ACSM4: variants seen among roughly 807,000 people sequenced by gnomAD.
The protein encoded by ACSM4 is acyl-coenzyme A synthetase ACSM4, mitochondrial.
ACSM4 carries 66 observed loss-of-function variants against 73.0 expected under a neutral mutation model. The observed-to-expected ratio is 0.90, with a 90% CI of 0.74 to 1.11. ACSM4 has a LOEUF of 1.11. Among genes scored for constraint, ACSM4 ranks in the 50% least tolerant of loss-of-function variants. The pLI is 0.00. For synonymous variants in ACSM4, 222 were observed against 254.0 expected (o/e 0.87, Z 1.20); for missense variants, 645 against 714.4 (o/e 0.90, Z 1.11).
At chr12:7,320,987 CA>C (rs1406020773) in intron 6 of ACSM4, among the ~76,000 whole-genome samples, 183 bp downstream of exon 6, 1 of 152,196 alleles carries the variant, frequency 6.6e-6, no homozygotes, top group Admixed American at 6.5e-5. Flanking sequence ...AGCAGCATCT[CA>C]AGACTCTATT....
intron 3 of ACSM4, among the ~76,000 whole-genome samples, chr12:7,314,500 TAGAC>T (rs759170475): frequency 6.6e-6 from 1 of 152,302 alleles, no homozygotes; most frequent in South Asian, 2.1e-4. Flanking sequence ...TTCTTTTAGA[TAGAC>T]AGATAGATGG....
intron 1 of ACSM4, 31 bp from the exon 2 acceptor site, chr12:7,306,502 A>G (rs1370854915): frequency 1.3e-6 from 2 of 1,544,410 alleles, no homozygotes; most frequent in Non-Finnish European, 1.8e-6. Context: ...ATGTAAACCT[A>G]CCCCTCTCTT....
intron 5 of ACSM4, 57 bp from the exon 6 acceptor site, chr12:7,320,668 C>CT (rs1325029710): frequency 7.1e-7 from 1 of 1,413,004 alleles, no homozygotes; most frequent in Non-Finnish European, 9.9e-7. Context: ...GATATCAGCT[C>CT]TAGTCATGGC....
At chr12:7,304,677 C>T in intron 1 of ACSM4, 145 bp downstream of exon 1, 2 of 898,472 alleles carry the variant, frequency 2.2e-6, no homozygotes. Flanking sequence ...TTGCCCTCCC[C>T]TCTCCCCAGG....
At chr12:7,307,618 A>G (rs1476909833) in intron 2 of ACSM4, among the ~76,000 whole-genome samples, 1 of 152,236 alleles carries the variant, frequency 6.6e-6, no homozygotes. Context: ...AGTAATTTAT[A>G]ATTTACCCCA....
At chr12:7,326,852 G>A in intron 11 of ACSM4, 124 bp from the exon 12 acceptor site, 4 of 1,070,962 alleles carry the variant, frequency 3.7e-6, no homozygotes, top group Non-Finnish European at 5.2e-6. Flanking sequence ...GTAACCTCTG[G>A]CATTTGCAGT....
At chr12:7,304,988 G>A (rs1048637252) in intron 1 of ACSM4, among the ~76,000 whole-genome samples, 6 of 152,166 alleles carry the variant, frequency 3.9e-5, no homozygotes, top group African/African-American at 1.4e-4. Flanking sequence ...AGGTCTCTGT[G>A]TACTGATCCT....
At chr12:7,323,344 G>A (rs768407617) in intron 8 of ACSM4, 30 bp downstream of exon 8, 2 of 1,601,124 alleles carry the variant, frequency 1.2e-6, no homozygotes, top group Admixed American at 1.7e-5. Context: ...GACTGGTTCA[G>A]TAAAGGAGAG....
At chr12:7,321,585 A>G (rs765971781) in intron 6 of ACSM4, among the ~76,000 whole-genome samples, 2 of 152,236 alleles carry the variant, frequency 1.3e-5, no homozygotes, top group Non-Finnish European at 2.9e-5. Context: ...TCACATTTCA[A>G]GAGTAATTCA....
In ACSM4 at chr12:7,318,096, A is replaced by G; in HGVS notation, c.835A>G (p.Ile279Val). The change falls in exon 5 of 13, where the codon ATT becomes GTT. Residue 279 changes from isoleucine (I) to valine (V), a missense_variant. By Grantham distance (29) the Ile-to-Val change is conservative (BLOSUM62 3). Coordinates refer to ENST00000399422, the MANE Select transcript of ACSM4 (RefSeq NM_001080454.2). ...TGACACGGGCTGGGTCAAGGCCGCC[A>G]TTGGCAGTGTGTTTTCTTCCTGGCT... ...MSDTGWVKAA[I>V]GSVFSSWLCG... 1 of 1,613,856 alleles carries G rather than the reference A, an allele frequency of 6.2e-7. No individual in the cohort carries two copies. Among genetic ancestry groups the G allele is most frequent in the East Asian group, 2.2e-5 (1 of 44,870 alleles).
intron 5 of ACSM4, among the ~76,000 whole-genome samples, chr12:7,319,569 G>A (rs1486354192): frequency 7.0e-6 from 1 of 143,592 alleles, no homozygotes; most frequent in Non-Finnish European, 1.5e-5. Context: ...CAGCCTGGGT[G>A]ACAGAGCAAG....
chr12:7,306,771 C>T (rs1255361219), intron 2 of ACSM4, 28 bp downstream of exon 2: 2 of 1,562,856 alleles, frequency 1.3e-6, no homozygotes, highest in Non-Finnish European at 1.7e-6. Flanking sequence ...CATTCTAAAT[C>T]ACACAAACAC....
At chr12:7,306,859 AAAAAAG>A in intron 2 of ACSM4, 116 bp downstream of exon 2, 2 of 1,048,698 alleles carry the variant, frequency 1.9e-6, no homozygotes, top group Non-Finnish European at 1.3e-6. Context: ...AAAAAAAAAA[AAAAAAG>A]AAGAGTTAAG....
Position 7,304,759 on chromosome 12 carries a change from C to T in ACSM4, c.201+227C>T, listed in dbSNP as rs145721664. Among the ~76,000 whole-genome samples the T allele has an allele frequency of 2.6e-3, 400 of 152,330 alleles. 3 individuals are homozygous for T. Among genetic ancestry groups the T allele is most frequent in the African/African-American group, 8.3e-3 (346 of 41,590 alleles). On this transcript the variant is annotated intron_variant, in intron 1 of 12. Coordinates refer to ENST00000399422, the MANE Select transcript of ACSM4 (RefSeq NM_001080454.2). ...CTTCTCTATCTCCCATCCCCATGGT[C>T]GTTCCTCACAGAGTTCTGCCTCTTT... is the stretch of plus-strand genomic sequence containing the variant.
At chr12:7,318,462 T>C (rs970410420) in intron 5 of ACSM4, 2 of 344,786 alleles carry the variant, frequency 5.8e-6, no homozygotes, top group African/African-American at 4.2e-5. Flanking sequence ...AAACTGGTTC[T>C]AAATAACAGA....
At chr12:7,305,306 C>T (rs1946356020) in intron 1 of ACSM4, among the ~76,000 whole-genome samples, 1 of 152,056 alleles carries the variant, frequency 6.6e-6, no homozygotes, top group Non-Finnish European at 1.5e-5. Context: ...TATTTTTTGG[C>T]AAGTGGTAAT....
At chr12:7,325,513 G>T (rs1946497236) in intron 11 of ACSM4, among the ~76,000 whole-genome samples, 1 of 152,160 alleles carries the variant, frequency 6.6e-6, no homozygotes, top group African/African-American at 2.4e-5. Flanking sequence ...CTGGCATGGT[G>T]GCGGGCACCT....
At position 7,310,719 on chromosome 12, in the gene ACSM4, G is replaced by T; in HGVS notation, c.593G>T (p.Gly198Val). ...CTGGTGTCTCCACAAAGCTGGAATG[G>T]GTGGCTCAGCTTCCAGGAGTTATTT... ...KLLVSPQSWN[G>V]WLSFQELFQF... Residue 198 changes from glycine (G) to valine (V), a missense_variant, in exon 3 of 13, where the codon GGG becomes GTG. Gly to Val is a moderately radical substitution (Grantham distance 109). Transcript: ENST00000399422. 6.2e-7 allele frequency: 1 copy of T among 1,613,358 alleles called. No homozygotes were observed. The highest frequency in any genetic ancestry group is 2.2e-5 in the East Asian group (1 of 44,800).
At chr12:7,314,907 C>T (rs1431371431) in intron 3 of ACSM4, among the ~76,000 whole-genome samples, 1 of 152,126 alleles carries the variant, frequency 6.6e-6, no homozygotes, top group Non-Finnish European at 1.5e-5. Flanking sequence ...AAATAATCCT[C>T]ACTGTTGGCT....
Sources: allele counts gnomAD v4.1 joint callset (sites outside exome capture counted in the v4.1 genomes callset), GRCh38; gene constraint gnomAD v4.1.1; transcripts MANE v1.5; gene names NCBI Gene and HGNC (gene_info 2026-07-23, HGNC 2026-07-21).